The following HYCC1 variants were observed in gnomAD, a reference collection of about 807,000 sequenced individuals.
HYCC1 encodes the protein hyccin PI4KA lipid kinase complex subunit 1, also known as hyccin.
the HYCC1 span, chr7:22,976,065 G>C: frequency 4.7e-6 from 3 of 637,350 alleles, no homozygotes; most frequent in African/African-American, 5.5e-5. Context: ...AACTTTCCAT[G>C]TGTTGGGTAG....
At chr7:22,950,364 G>C in the HYCC1 span, among the ~76,000 whole-genome samples, 74 of 151,732 alleles carry the variant, frequency 4.9e-4, no homozygotes, top group African/African-American at 1.7e-3. Context: ...TGAGGAAGGA[G>C]TTTTTAAAAT....
the HYCC1 span, among the ~76,000 whole-genome samples, chr7:22,925,494 G>C: frequency 2.6e-5 from 4 of 152,218 alleles, no homozygotes; most frequent in Non-Finnish European, 4.4e-5. Flanking sequence ...TAAAGGACCT[G>C]ATGGAGCTGA....
the HYCC1 span, among the ~76,000 whole-genome samples, chr7:22,924,384 C>A: frequency 6.6e-6 from 1 of 152,118 alleles, no homozygotes; most frequent in South Asian, 2.1e-4. Flanking sequence ...CAGGGCGAGG[C>A]ATTGCCTCAC....
At chr7:23,004,407 C>A in the HYCC1 span, among the ~76,000 whole-genome samples, 1 of 152,254 alleles carries the variant, frequency 6.6e-6, no homozygotes, top group South Asian at 2.1e-4. Flanking sequence ...ACAATAAATT[C>A]TTTGGAGCTC....
the HYCC1 span, chr7:22,978,598 T>C: frequency 8.7e-6 from 6 of 686,480 alleles, no homozygotes; most frequent in Non-Finnish European, 1.5e-5. Flanking sequence ...CTTCCTAAAA[T>C]ATCCTTTCTT....
chr7:23,013,881 C>T, the HYCC1 span: 1 of 457,796 alleles, frequency 2.2e-6, no homozygotes, highest in Non-Finnish European at 4.5e-6. Context: ...TATCCGTTGC[C>T]GGACGCCCTG....
At chr7:22,963,090 C>T in the HYCC1 span, among the ~76,000 whole-genome samples, 1 of 152,112 alleles carries the variant, frequency 6.6e-6, no homozygotes, top group Non-Finnish European at 1.5e-5. Context: ...ATGCCCATTT[C>T]CTGTCATAAA....
At chr7:23,011,258 A>G in the HYCC1 span, among the ~76,000 whole-genome samples, 1 of 152,186 alleles carries the variant, frequency 6.6e-6, no homozygotes, top group Non-Finnish European at 1.5e-5. Flanking sequence ...TCATTTCATC[A>G]CAACTAAATC....
the HYCC1 span, among the ~76,000 whole-genome samples, chr7:22,911,410 A>G: frequency 6.6e-6 from 1 of 152,192 alleles, no homozygotes; most frequent in Admixed American, 6.5e-5. Flanking sequence ...CAGCAAGATA[A>G]TTTACTCCTA....
the HYCC1 span, among the ~76,000 whole-genome samples, chr7:22,917,503 G>A: frequency 1.3e-5 from 2 of 152,192 alleles, no homozygotes; most frequent in African/African-American, 4.8e-5. Flanking sequence ...CTGGCAAATT[G>A]ACTTTACTCA....
the HYCC1 span, among the ~76,000 whole-genome samples, chr7:22,912,968 A>G: frequency 2.0e-5 from 3 of 152,274 alleles, no homozygotes; most frequent in Non-Finnish European, 2.9e-5. Context: ...TAGTAAAAAT[A>G]CAAAAATTAG....
the HYCC1 span, among the ~76,000 whole-genome samples, chr7:22,904,883 A>AAG: frequency 6.6e-6 from 1 of 151,726 alleles, no homozygotes. Context: ...AAAAAAAAAA[A>AAG]AAAGAAAGAA....
chr7:22,960,988 T>C, the HYCC1 span, among the ~76,000 whole-genome samples: 1 of 152,152 alleles, frequency 6.6e-6, no homozygotes, highest in African/African-American at 2.4e-5. Flanking sequence ...GAGGCGGAGG[T>C]TGCGGAGAGC....
At chr7:22,905,386 A>ATTTT in the HYCC1 span, among the ~76,000 whole-genome samples, 10 of 44,468 alleles carry the variant, frequency 2.2e-4, no homozygotes, top group African/African-American at 3.6e-4. Flanking sequence ...CTAATTTTGT[A>ATTTT]TTTTTTTTTT....
the HYCC1 span, chr7:22,985,814 A>C: frequency 2.0e-5 from 3 of 149,014 alleles, no homozygotes; most frequent in Admixed American, 2.0e-4. Flanking sequence ...ATAAATCTAA[A>C]TTATATATAT....
chr7:22,935,400 G>T, the HYCC1 span: 1 of 152,170 alleles, frequency 6.6e-6, no homozygotes, highest in African/African-American at 2.4e-5. Context: ...TGAATTCCCT[G>T]TGTATGGGGG....
At chr7:22,906,577 CAAAAAAAA>C in the HYCC1 span, among the ~76,000 whole-genome samples, 25 of 119,122 alleles carry the variant, frequency 2.1e-4, no homozygotes, top group Non-Finnish European at 3.8e-4. Context: ...GACTCGGTCT[CAAAAAAAA>C]AAAAAGAATG....
the HYCC1 span, among the ~76,000 whole-genome samples, chr7:22,925,403 G>A: frequency 2.0e-5 from 3 of 152,116 alleles, no homozygotes; most frequent in African/African-American, 4.8e-5. Flanking sequence ...GAGGAAGTTC[G>A]AACCAACGGC....
At chr7:22,901,177 C>A in the HYCC1 span, among the ~76,000 whole-genome samples, 2 of 127,396 alleles carry the variant, frequency 1.6e-5, no homozygotes, top group Non-Finnish European at 3.1e-5. Context: ...GCCATGATTG[C>A]ACCACTGCAC....
Sources: gnomAD v4.1 joint callset for allele counts (sites outside exome capture counted in the v4.1 genomes callset) on GRCh38, gnomAD v4.1.1 for gene constraint, MANE v1.5 for transcripts, NCBI Gene and HGNC (gene_info 2026-07-23, HGNC 2026-07-21) for gene names.